ZNF462: variants seen among roughly 807,000 people sequenced by gnomAD.
ZNF462 encodes the protein zinc finger PBX1-interacting protein.
ZNF462 carries 10 observed loss-of-function variants against 201.9 expected under a neutral mutation model. That is an observed-to-expected ratio of 0.05 (90% CI 0.03 to 0.08). The LOEUF (loss-of-function observed/expected upper bound fraction) is 0.08, where lower values mean the gene tolerates loss of function less well. ZNF462 is among the 10% of genes least tolerant of loss of function. The probability of loss-of-function intolerance (pLI) is 1.00; values close to 1 mark genes in which losing one functional copy is unlikely to be tolerated. For synonymous variants in ZNF462, 1,227 were observed against 1,193.3 expected (o/e 1.03, Z -0.58); for missense variants, 2,523 against 3,168.3 (o/e 0.80, Z 4.89).
At position 106,890,379 on chromosome 9, in the gene ZNF462, TAA is replaced by T. The variant is rs1347374916; in HGVS notation, c.-31+27026_-31+27027del. On this transcript the variant is annotated intron_variant, in intron 1 of 12. Transcript: ENST00000277225. This position sits in a 1 kb window ranked among gnomAD's most constrained non-coding sequence, Gnocchi z 4.2. ...TCTGGTCTCTTGGTTTGGAGTTAATTAAACATTGTCGGGAGAATTCCTTCATT... is the reference window on the plus strand; with the variant it reads ...TCTGGTCTCTTGGTTTGGAGTTAATTACATTGTCGGGAGAATTCCTTCATT... Among the ~76,000 whole-genome samples the T allele has an allele frequency of 3.9e-5, 6 of 152,218 alleles. No homozygotes were observed. The highest frequency in any genetic ancestry group is 1.4e-4 in the African/African-American group (6 of 41,452).
At chr9:106,862,580 C>T (rs560165401), upstream of ZNF462, among the ~76,000 whole-genome samples, 14 of 152,094 alleles carry the variant, frequency 9.2e-5, no homozygotes, top group East Asian at 2.7e-3. This position sits in a 1 kb window ranked among gnomAD's most constrained non-coding sequence, Gnocchi z 4.2. Context: ...TCCTCTTCCT[C>T]CCCCTCCTCC....
rs1829936738 is a variant in ZNF462, at chr9:106,920,245, CCTT to C, written c.-30-3106_-30-3104del. Among the ~76,000 whole-genome samples, 4 of 151,876 alleles carry C rather than the reference CCTT, an allele frequency of 2.6e-5. No individual in the cohort carries two copies. In the South Asian group the frequency reaches 8.3e-4, roughly 32 times the overall value. ...ATGTCCAGTGTGTTTTTGTCTCTGT[CCTT>C]CTCTACTCCCTTCCCCTCCACTTGC... On this transcript the variant is annotated intron_variant, in intron 1 of 12. Transcript: ENST00000277225. The surrounding 1 kb of genome is among the most constrained non-coding windows in gnomAD (Gnocchi z 4.3).
intron 7 of ZNF462, among the ~76,000 whole-genome samples, chr9:106,958,645 A>C (rs982935082): frequency 2.0e-5 from 3 of 152,096 alleles, no homozygotes; most frequent in Non-Finnish European, 4.4e-5. Context: ...AGAAGTTCCT[A>C]AGGAAGCTGA....
chr9:106,955,110 T>G (rs1268666585), intron 7 of ZNF462, among the ~76,000 whole-genome samples: 2 of 152,154 alleles, frequency 1.3e-5, no homozygotes, highest in Admixed American at 1.3e-4. Context: ...CTCACTCATC[T>G]TAGTGTGTGT....
At position 106,927,135 on chromosome 9, in the gene ZNF462, G is replaced by A; in HGVS notation, c.3223G>A (p.Gly1075Ser). The A allele has an allele frequency of 3.1e-6, 5 of 1,614,124 alleles. No individual in the cohort carries two copies. Among genetic ancestry groups the A allele is most frequent in the Non-Finnish European group, 4.2e-6 (5 of 1,180,032 alleles). Residue 1075 changes from glycine to serine, a missense_variant, in exon 3 of 13, where the codon GGC (glycine) becomes AGC (serine). Transcript: ENST00000277225. ...KTMRMVSVDR[G>S]SALSQLSFEV... ...TATGCGAATGGTGTCTGTGGACAGGGGCTCTGCCCTTTCTCAATTATCATT... is the reference window on the plus strand; with the variant it reads ...TATGCGAATGGTGTCTGTGGACAGGAGCTCTGCCCTTTCTCAATTATCATT...
chr9:106,934,633 A>C (rs1311112687), intron 5 of ZNF462, among the ~76,000 whole-genome samples: 1 of 152,172 alleles, frequency 6.6e-6, no homozygotes, highest in Non-Finnish European at 1.5e-5. Context: ...GGCAATTGAA[A>C]ATGTTGCTTT....
chr9:106,878,254 T>C (rs1827924495), intron 1 of ZNF462, among the ~76,000 whole-genome samples: 2 of 152,126 alleles, frequency 1.3e-5, no homozygotes, highest in African/African-American at 4.8e-5. Flanking sequence ...AGGCATAATG[T>C]ATGTAAAGCA....
chr9:106,955,768 T>C (rs10120951), intron 7 of ZNF462, among the ~76,000 whole-genome samples: 1,619 of 152,314 alleles, frequency 0.011, 28 homozygotes, highest in African/African-American at 0.036. Context: ...TCGCAACATC[T>C]TCATCAAAAG....
chr9:106,928,557 G>T lies in ZNF462; in HGVS notation c.4645G>T (p.Val1549Leu). Residue 1549 changes from valine (V) to leucine (L), a missense_variant, in exon 3 of 13, where the codon GTG becomes TTG. Transcript: ENST00000277225. This position sits in a 1 kb window ranked among gnomAD's most constrained non-coding sequence, Gnocchi z 9.3. ...CATCAAGGTGACCGCTGAGGACTTT[G>T]TGCACGACGTAGAGCAGTCTGCTGA... ...PSIKVTAEDF[V>L]HDVEQSADIS... The T allele has an allele frequency of 6.2e-7, 1 of 1,614,110 alleles. No individual in the cohort carries two copies. The highest frequency in any genetic ancestry group is 8.5e-7 in the Non-Finnish European group (1 of 1,180,018).
Position 106,925,853 on chromosome 9 carries a change from C to T in ZNF462, c.1941C>T (p.Ser647=). ...SSLPLENETD[S]HPSSSNTVKK... ...TACCATTGGAAAATGAGACAGACAGCCACCCCTCTTCCAGCAACACTGTGA... is the reference window on the plus strand; with the variant it reads ...TACCATTGGAAAATGAGACAGACAGTCACCCCTCTTCCAGCAACACTGTGA... The change falls in exon 3 of 13, where the codon AGC becomes AGT. Residue 647 remains serine, a synonymous_variant. Coordinates refer to ENST00000277225, the MANE Select transcript of ZNF462 (RefSeq NM_021224.6). The surrounding 1 kb of genome is among the most constrained non-coding windows in gnomAD (Gnocchi z 7.9). 6.2e-7 allele frequency: 1 copy of T among 1,614,174 alleles called. No homozygotes were observed.
At chr9:106,946,950 C>T (rs986146740) in intron 7 of ZNF462, among the ~76,000 whole-genome samples, 1 of 152,140 alleles carries the variant, frequency 6.6e-6, no homozygotes, top group Non-Finnish European at 1.5e-5. Flanking sequence ...AAATGTTGTA[C>T]ACATATTTTT....
chr9:106,996,117 C>T (rs1444233344), intron 10 of ZNF462, among the ~76,000 whole-genome samples: 1 of 152,142 alleles, frequency 6.6e-6, no homozygotes, highest in Non-Finnish European at 1.5e-5. Context: ...TTTCCAGCTT[C>T]ATCCATGTCC....
intron 1 of ZNF462, among the ~76,000 whole-genome samples, chr9:106,896,186 C>T (rs1163426567): frequency 1.3e-5 from 2 of 152,038 alleles, no homozygotes; most frequent in Non-Finnish European, 2.9e-5. Flanking sequence ...TGCCTTATAC[C>T]AGCCTTCTGT....
At position 106,970,190 on chromosome 9, in the gene ZNF462, C is replaced by T. The variant is rs1826520485; in HGVS notation, c.6428-1815C>T. Among the ~76,000 whole-genome samples, 2 of 152,122 alleles carry T rather than the reference C, an allele frequency of 1.3e-5. No individual in the cohort carries two copies. The highest frequency in any genetic ancestry group is 1.3e-4 in the Admixed American group (2 of 15,282). On this transcript the variant is annotated intron_variant, in intron 7 of 12. Transcript: ENST00000277225. This position sits in a 1 kb window ranked among gnomAD's most constrained non-coding sequence, Gnocchi z 4.2. ...GAATTCAGTTGTCATTCCTTTCTTCCTTTGTCTTCCATTTACACCTGGTAA... is the reference window on the plus strand; with the variant it reads ...GAATTCAGTTGTCATTCCTTTCTTCTTTTGTCTTCCATTTACACCTGGTAA...
intron 7 of ZNF462, among the ~76,000 whole-genome samples, chr9:106,965,060 T>G (rs762208336): frequency 1.6e-4 from 25 of 152,104 alleles, no homozygotes; most frequent in Non-Finnish European, 1.8e-4. Flanking sequence ...AATCACAATG[T>G]GTATGTATTG....
chr9:106,988,862 C>G (rs1273432044), intron 10 of ZNF462, among the ~76,000 whole-genome samples: 1 of 152,068 alleles, frequency 6.6e-6, no homozygotes, highest in East Asian at 1.9e-4. Flanking sequence ...TATGGAAGAG[C>G]TACTGATCTG....
chr9:107,009,487 T>C lies in ZNF462; in HGVS notation c.7190-58T>C, dbSNP rs183315822. 4.3e-4 allele frequency: 691 copies of C among 1,606,826 alleles called. 3 individuals are homozygous for C. In the African/African-American group the frequency reaches 8.0e-3, roughly 18 times the overall value. On this transcript the variant is annotated intron_variant, in intron 11 of 12. Coordinates refer to ENST00000277225, the MANE Select transcript of ZNF462 (RefSeq NM_021224.6). The surrounding 1 kb of genome is among the most constrained non-coding windows in gnomAD (Gnocchi z 6.1). The stretch of plus-strand genomic sequence containing the variant: ...AGAGGGTATCCTAATGAATGCTGAC[T>C]TACCTATTCTGCTGATTCCCACAGC...
intron 7 of ZNF462, among the ~76,000 whole-genome samples, chr9:106,960,350 C>T (rs1365813586): frequency 1.3e-5 from 2 of 152,140 alleles, no homozygotes; most frequent in Non-Finnish European, 2.9e-5. Context: ...ATCTTCCCTC[C>T]AGTCAGGTCT....
chr9:106,991,541 G>A (rs1289288414), intron 10 of ZNF462, among the ~76,000 whole-genome samples: 1 of 151,782 alleles, frequency 6.6e-6, no homozygotes, highest in African/African-American at 2.4e-5. Context: ...TGACAAACTG[G>A]CCCTAAAATT....
Sources: allele counts gnomAD v4.1 joint callset (sites outside exome capture counted in the v4.1 genomes callset), GRCh38; gene constraint gnomAD v4.1.1; non-coding constraint Gnocchi (gnomAD v3.1); transcripts MANE v1.5; gene names NCBI Gene and HGNC (gene_info 2026-07-23, HGNC 2026-07-21).